RASAL2: variants seen among roughly 807,000 people sequenced by gnomAD.
RASAL2 encodes ras GTPase-activating protein nGAP.
RASAL2 carries 58 observed loss-of-function variants against 128.9 expected under a neutral mutation model. The observed-to-expected ratio is 0.45, with a 90% CI of 0.36 to 0.56. The LOEUF (loss-of-function observed/expected upper bound fraction) is 0.56. Ranked by LOEUF, RASAL2 falls within the 20% of genes least tolerant of loss-of-function variation. The pLI, the probability that RASAL2 is intolerant of heterozygous loss-of-function variation, is 0.00. For missense variants in RASAL2, 1,360 were observed against 1,601.6 expected, an observed-to-expected ratio of 0.85 and a Z score of 2.57; for synonymous variants, 561 against 580.8, an observed-to-expected ratio of 0.97 and a Z score of 0.49.
At chr1:178,385,705 A>G (rs1183274499) in intron 3 of RASAL2, among the ~76,000 whole-genome samples, 2 of 152,124 alleles carry the variant, frequency 1.3e-5, no homozygotes, top group African/African-American at 4.8e-5. Context: ...TATATTGGCC[A>G]GTATTATCTG....
chr1:178,293,026 T>G (rs1255490999), intron 2 of RASAL2, among the ~76,000 whole-genome samples: 1 of 152,202 alleles, frequency 6.6e-6, no homozygotes, highest in African/African-American at 2.4e-5. Flanking sequence ...AGCTAAAAAT[T>G]AACTGGTATT....
At chr1:178,188,470 G>T (rs956604204) in intron 1 of RASAL2, among the ~76,000 whole-genome samples, 7 of 152,142 alleles carry the variant, frequency 4.6e-5, no homozygotes, top group Middle Eastern at 3.4e-3. Flanking sequence ...CATATATTTT[G>T]TCTGGTTTTC....
At chr1:178,250,878 A>G (rs1333881259) in intron 1 of RASAL2, among the ~76,000 whole-genome samples, 1 of 152,218 alleles carries the variant, frequency 6.6e-6, no homozygotes. Flanking sequence ...CTTATTTTAC[A>G]GATGAGTAAA....
intron 4 of RASAL2, among the ~76,000 whole-genome samples, chr1:178,413,255 T>C (rs182656793): frequency 3.5e-4 from 54 of 152,300 alleles, no homozygotes; most frequent in African/African-American, 1.2e-3. Flanking sequence ...CCACCACACC[T>C]GGCCCGTTCT....
intron 9 of RASAL2, among the ~76,000 whole-genome samples, chr1:178,451,303 A>G (rs1223399873): frequency 1.3e-5 from 2 of 152,198 alleles, no homozygotes; most frequent in African/African-American, 2.4e-5. Flanking sequence ...GAGTAGTATC[A>G]TTACCACTTT....
At chr1:178,251,231 AT>A (rs1486039167) in intron 1 of RASAL2, among the ~76,000 whole-genome samples, 5 of 152,216 alleles carry the variant, frequency 3.3e-5, no homozygotes, top group Non-Finnish European at 5.9e-5. Flanking sequence ...AAAGAAAATG[AT>A]GGAAAATGCT....
Position 178,417,880 on chromosome 1 carries a change from T to C in RASAL2, c.565-2631T>C, listed in dbSNP as rs77973908. On this transcript the variant is annotated intron_variant, in intron 4 of 17. Transcript: ENST00000367649. ...CTTAACTGTATTTTCATTAGAAATA[T>C]ATGTATGATTTTTGGTCGACTCCTC... Among the ~76,000 whole-genome samples, 100 of 152,066 alleles carry C rather than the reference T, an allele frequency of 6.6e-4. 2 individuals carry two copies. The East Asian group carries it at 0.017, about 26-fold the overall frequency.
At chr1:178,193,924 TTA>T (rs1335117084) in intron 1 of RASAL2, among the ~76,000 whole-genome samples, 2 of 152,184 alleles carry the variant, frequency 1.3e-5, no homozygotes, top group Admixed American at 6.5e-5. Flanking sequence ...TACACTGTGG[TTA>T]AGACATATCT....
chr1:178,238,539 G>A (rs1263894398), intron 1 of RASAL2, among the ~76,000 whole-genome samples: 1 of 151,958 alleles, frequency 6.6e-6, no homozygotes, highest in East Asian at 1.9e-4. Flanking sequence ...TAATGGTGCT[G>A]CTACTTTATT....
At chr1:178,119,064 C>T (rs1659620745) in intron 1 of RASAL2, among the ~76,000 whole-genome samples, 1 of 152,132 alleles carries the variant, frequency 6.6e-6, no homozygotes, top group South Asian at 2.1e-4. Flanking sequence ...GACAGGGTTT[C>T]ACCATGTTGG....
At chr1:178,205,384 G>A (rs1325067139) in intron 1 of RASAL2, among the ~76,000 whole-genome samples, 3 of 152,102 alleles carry the variant, frequency 2.0e-5, no homozygotes. Context: ...TTTATAAAGT[G>A]ACTTTTTCTT....
chr1:178,199,242 C>A lies in RASAL2; in HGVS notation c.203-84322C>A, dbSNP rs188689595. ...CCTTGGCTAGGAAAGGGAAATCCCT[C>A]GACACCTTGCGCTTCCCGGGTGAGG... On this transcript the variant is annotated intron_variant, in intron 1 of 17. Transcript: ENST00000367649. Among the ~76,000 whole-genome samples the A allele has an allele frequency of 2.9e-3, 449 of 152,306 alleles. 18 individuals are homozygous for A. The highest frequency in any genetic ancestry group is 0.029 in the Admixed American group (442 of 15,298).
In RASAL2 at chr1:178,445,399, G is replaced by C. The variant is rs546661072; in HGVS notation, c.1483-119G>C. 109 of 1,165,678 alleles carry C rather than the reference G, an allele frequency of 9.4e-5. No homozygotes were observed. In the African/African-American group the frequency reaches 1.5e-3, roughly 16 times the overall value. The allele number at this position is 1,165,678 out of a possible 1,614,324, so 72.2% of individuals were successfully genotyped here. A position where few individuals can be genotyped will look rare whatever the true frequency, so the allele number is the denominator to read the frequency against. The stretch of plus-strand genomic sequence containing the variant: ...CTGATTGCTTTTTTTCCTTTCAGAT[G>C]AATCTGATAGCTTTAGTTTTAAAGC... On this transcript the variant is annotated intron_variant, in intron 8 of 17. Coordinates refer to ENST00000367649, the MANE Select transcript of RASAL2 (RefSeq NM_170692.4).
intron 1 of RASAL2, among the ~76,000 whole-genome samples, chr1:178,162,387 TA>T (rs1661345364): frequency 8.6e-6 from 1 of 115,920 alleles, no homozygotes; most frequent in Non-Finnish European, 1.7e-5. Context: ...ATTTATATAT[TA>T]TATATATTAT....
intron 1 of RASAL2, among the ~76,000 whole-genome samples, chr1:178,122,732 G>T (rs969344601): frequency 6.6e-6 from 1 of 151,866 alleles, no homozygotes; most frequent in African/African-American, 2.4e-5. Flanking sequence ...AATTATAGCT[G>T]GGATAAATGT....
At chr1:178,348,962 G>A (rs2102429354) in intron 3 of RASAL2, among the ~76,000 whole-genome samples, 1 of 151,622 alleles carries the variant, frequency 6.6e-6, no homozygotes, top group East Asian at 2.0e-4. Context: ...ACCATGCCTG[G>A]CTAATTTTTT....
intron 1 of RASAL2, among the ~76,000 whole-genome samples, chr1:178,110,178 C>G (rs1285779530): frequency 6.6e-6 from 1 of 152,042 alleles, no homozygotes; most frequent in East Asian, 1.9e-4. Context: ...TCTTTGCATC[C>G]CTTTGTAATT....
chr1:178,302,947 G>A (rs935864752), intron 3 of RASAL2, among the ~76,000 whole-genome samples: 6 of 152,036 alleles, frequency 3.9e-5, no homozygotes, highest in Non-Finnish European at 1.5e-5. Context: ...AACCCAGGAG[G>A]TGGAGGTTGC....
At chr1:178,308,353 C>T (rs1668090719) in intron 3 of RASAL2, among the ~76,000 whole-genome samples, 1 of 151,896 alleles carries the variant, frequency 6.6e-6, no homozygotes, top group Non-Finnish European at 1.5e-5. Flanking sequence ...TGAGGAAAAG[C>T]CAGCCTTTTA....
Sources: gnomAD v4.1 joint callset for allele counts (sites outside exome capture counted in the v4.1 genomes callset) on GRCh38, gnomAD v4.1.1 for gene constraint, MANE v1.5 for transcripts, NCBI Gene and HGNC (gene_info 2026-07-23, HGNC 2026-07-21) for gene names.